NAAA: variants seen among roughly 807,000 people sequenced by gnomAD.
The protein encoded by NAAA is N-acylethanolamine acid amidase.
NAAA carries 39 observed loss-of-function variants against 44.8 expected under a neutral mutation model. The observed-to-expected ratio is 0.87, with a 90% CI of 0.67 to 1.14. NAAA has a LOEUF of 1.14. NAAA is among the 50% of genes most tolerant of loss of function. The pLI, the probability that NAAA is intolerant of heterozygous loss-of-function variation, is 0.00. For missense variants in NAAA, 460 were observed against 467.8 expected, an observed-to-expected ratio of 0.98 and a Z score of 0.15; for synonymous variants, 178 against 191.3, an observed-to-expected ratio of 0.93 and a Z score of 0.58.
At chr4:75,938,991 C>T (rs1490022493) in intron 2 of NAAA, among the ~76,000 whole-genome samples, 1 of 151,894 alleles carries the variant, frequency 6.6e-6, no homozygotes, top group African/African-American at 2.4e-5. Flanking sequence ...CTGGGATTCA[C>T]AGGTGCCCGC....
Position 75,914,335 on chromosome 4 carries a change from T to A in NAAA, c.*40A>T. 5 of 979,978 alleles carry A rather than the reference T, an allele frequency of 5.1e-6. No homozygotes were observed. Among genetic ancestry groups the A allele is most frequent in the Non-Finnish European group, 6.1e-6 (5 of 824,886 alleles). The allele number at this position is 979,978 out of a possible 1,614,324, so 60.7% of individuals were successfully genotyped here. Reference sequence around the variant, plus strand: ...TTCAAGAATTTCATTTTTTAAAAAATCATCTGTAAGGGAAGAAAAAAACGC... The same window carrying A: ...TTCAAGAATTTCATTTTTTAAAAAAACATCTGTAAGGGAAGAAAAAAACGC... On this transcript the variant is annotated 3_prime_UTR_variant, in exon 11 of 11. Coordinates refer to ENST00000286733, the MANE Select transcript of NAAA (RefSeq NM_014435.4).
intron 4 of NAAA, chr4:75,930,395 T>C: frequency 2.0e-6 from 1 of 493,908 alleles, no homozygotes; most frequent in South Asian, 1.5e-5. Flanking sequence ...CTACTAGCTG[T>C]CATTTCATCT....
rs1413137013 is a variant in NAAA, at chr4:75,940,927, G to A, written c.23C>T (p.Ala8Val). 4 of 1,501,218 alleles carry A rather than the reference G, an allele frequency of 2.7e-6. No homozygotes were observed. The African/African-American group carries it at 4.4e-5, about 16-fold the overall frequency. The allele number at this position is 1,501,218 out of a possible 1,614,324, so 93.0% of individuals were successfully genotyped here. A position where few individuals can be genotyped will look rare whatever the true frequency, so the allele number is the denominator to read the frequency against. The stretch of plus-strand genomic sequence containing the variant: ...CAGCAGGGACGGAAGCCCCGGGCGC[G>A]CCTCCCGGTCCGCGGTCCGCATGGC... Reference protein sequence around the residue: MRTADREARPGLPSLLLL... With the variant: MRTADREVRPGLPSLLLL... Residue 8 changes from alanine to valine, a missense_variant, in exon 1 of 11, where the codon GCG (alanine) becomes GTG (valine). Physicochemically the swap from Ala to Val is moderately conservative, Grantham distance 64. Transcript: ENST00000286733.
At chr4:75,914,802 A>G in intron 10 of NAAA, 66 bp downstream of exon 10, 4 of 1,157,652 alleles carry the variant, frequency 3.5e-6, no homozygotes, top group Non-Finnish European at 5.1e-6. Flanking sequence ...GGATGTTACC[A>G]CCCTCTGTAA....
intron 2 of NAAA, among the ~76,000 whole-genome samples, chr4:75,939,544 T>C (rs1336719578): frequency 6.6e-6 from 1 of 150,982 alleles, no homozygotes; most frequent in African/African-American, 2.4e-5. Context: ...ACCTCCTAAG[T>C]AGCTGGGATT....
rs35739236 is a variant in NAAA at position 75,916,778 on chromosome 4, C to CTTTT, written c.999-1797_999-1794dup. Among the ~76,000 whole-genome samples the CTTTT allele has an allele frequency of 1.5e-3, 114 of 76,978 alleles. 6 individuals carry two copies. Among genetic ancestry groups the CTTTT allele is most frequent in the African/African-American group, 4.4e-3 (94 of 21,148 alleles). The allele number at this position is 76,978 out of a possible 152,430, so 50.5% of individuals were successfully genotyped here. A position where few individuals can be genotyped will look rare whatever the true frequency, so the allele number is the denominator to read the frequency against. ...TTTTTAAAAGATATATTCATCACTT[C>CTTTT]TTTTTTTTTTTTTTTTTTTTTTTTT... On this transcript the variant is annotated intron_variant, in intron 9 of 10. Transcript: ENST00000286733.
intron 9 of NAAA, 108 bp downstream of exon 9, chr4:75,918,653 A>G (rs1044090505): frequency 1.7e-6 from 2 of 1,186,640 alleles, no homozygotes; most frequent in African/African-American, 3.1e-5. Flanking sequence ...GAGTGCCCCC[A>G]CAGCCTGGTT....
intron 2 of NAAA, among the ~76,000 whole-genome samples, chr4:75,937,177 T>A (rs1391045294): frequency 6.6e-6 from 1 of 152,182 alleles, no homozygotes; most frequent in Non-Finnish European, 1.5e-5. Context: ...TCCCAGCACT[T>A]TGGGAGGCCA....
chr4:75,936,031 T>A, intron 3 of NAAA, 78 bp downstream of exon 3: 2 of 1,556,640 alleles, frequency 1.3e-6, no homozygotes, highest in Non-Finnish European at 1.8e-6. Context: ...ACACTTAAGT[T>A]AGCAGGCCAT....
intron 9 of NAAA, among the ~76,000 whole-genome samples, chr4:75,915,254 C>T (rs1037495044): frequency 1.3e-4 from 20 of 152,150 alleles, no homozygotes; most frequent in Non-Finnish European, 2.6e-4. Flanking sequence ...GAGGCTGAGG[C>T]AGGAGAATTG....
intron 4 of NAAA, among the ~76,000 whole-genome samples, chr4:75,927,658 A>T (rs1326652384): frequency 4.4e-5 from 6 of 135,918 alleles, no homozygotes; most frequent in Non-Finnish European, 7.9e-5. Flanking sequence ...GCCAAAAAAA[A>T]TAGCTAGAAT....
Position 75,927,615 on chromosome 4 carries a change from TA to T in NAAA, c.590-1805del, listed in dbSNP as rs1726825759. Among the ~76,000 whole-genome samples, 4 of 109,186 alleles carry T rather than the reference TA, an allele frequency of 3.7e-5. No individual in the cohort carries two copies. In the South Asian group the frequency reaches 9.3e-4, roughly 25 times the overall value. 71.6% of individuals were successfully genotyped at this position (109,186 alleles called of 152,430 possible). On this transcript the variant is annotated intron_variant, in intron 4 of 10. Transcript: ENST00000286733. ...CCTTGTTTCTACTAAAAAAAAAAAT[TA>T]AAAAAAAATTTTTAATGCCCCCCCC...
chr4:75,928,946 C>A (rs1204983901), intron 4 of NAAA, among the ~76,000 whole-genome samples: 1 of 144,848 alleles, frequency 6.9e-6, no homozygotes, highest in Non-Finnish European at 1.5e-5. Flanking sequence ...CGCCACCACG[C>A]CCGGCTAAAT....
At chr4:75,939,414 A>ACTT (rs1553915341) in intron 2 of NAAA, among the ~76,000 whole-genome samples, 4 of 137,306 alleles carry the variant, frequency 2.9e-5, no homozygotes, top group African/African-American at 1.1e-4. Context: ...TTTGAGCAGA[A>ACTT]TTTTTTTTTT....
At position 75,922,910 on chromosome 4, in the gene NAAA, C is replaced by T. The variant is rs79363890; in HGVS notation, c.667-1787G>A. On this transcript the variant is annotated intron_variant, in intron 5 of 10. Transcript: ENST00000286733. ...AGCAAAAGAACATCCATAAAAAATA[C>T]TGAAGGCACTGGTGACTTATTTTAC... Among the ~76,000 whole-genome samples, 603 of 152,276 alleles carry T rather than the reference C, an allele frequency of 4.0e-3. 8 individuals are homozygous for T. The highest frequency in any genetic ancestry group is 0.014 in the African/African-American group (569 of 41,546).
At chr4:75,924,112 G>A (rs1052882486) in intron 5 of NAAA, among the ~76,000 whole-genome samples, 2 of 151,880 alleles carry the variant, frequency 1.3e-5, no homozygotes, top group African/African-American at 2.4e-5. Flanking sequence ...TCTTTCTTTC[G>A]CCTGTTAAAC....
downstream of NAAA, among the ~76,000 whole-genome samples, chr4:75,913,126 A>G (rs143054450): frequency 2.0e-5 from 3 of 151,050 alleles, no homozygotes; most frequent in Admixed American, 2.0e-4. Flanking sequence ...GCTTTATCTT[A>G]TGTAAAATGT....
chr4:75,916,536 C>T (rs913771931), intron 9 of NAAA: 2 of 152,028 alleles, frequency 1.3e-5, no homozygotes, highest in African/African-American at 4.8e-5. Flanking sequence ...GGGAATTCAG[C>T]CAAGGGAAAT....
intron 4 of NAAA, among the ~76,000 whole-genome samples, chr4:75,927,642 C>T (rs116386503): frequency 6.0e-5 from 7 of 116,550 alleles, no homozygotes; most frequent in Admixed American, 4.8e-4. Context: ...TGCCCCCCCC[C>T]CCCCCGCCAA....
Sources: allele counts gnomAD v4.1 joint callset (sites outside exome capture counted in the v4.1 genomes callset), GRCh38; gene constraint gnomAD v4.1.1; transcripts MANE v1.5; gene names NCBI Gene and HGNC (gene_info 2026-07-23, HGNC 2026-07-21).